The following EHBP1L1 variants were observed in gnomAD, a reference collection of about 807,000 sequenced individuals.
EHBP1L1 encodes the protein EH domain-binding protein 1-like protein 1.
Under a neutral mutation model 151.1 loss-of-function variants are expected in EHBP1L1, and 122 were observed. That is an observed-to-expected ratio of 0.81 (90% CI 0.70 to 0.94). The LOEUF (loss-of-function observed/expected upper bound fraction) is 0.94. Ranked by LOEUF, EHBP1L1 falls within the 40% of genes least tolerant of loss-of-function variation. The pLI is 0.00. For missense variants in EHBP1L1, 1,941 were observed against 1,959.8 expected, an observed-to-expected ratio of 0.99 and a Z score of 0.18; for synonymous variants, 878 against 810.1, an observed-to-expected ratio of 1.08 and a Z score of -1.42.
At chr11:65,583,880 G>A (rs1857784450) in intron 9 of EHBP1L1, 115 bp downstream of exon 9, 2 of 1,421,220 alleles carry the variant, frequency 1.4e-6, no homozygotes, top group African/African-American at 2.9e-5. Flanking sequence ...GGGGTGGGGG[G>A]CTCAGCTTGA....
rs1166659171 is a variant in EHBP1L1 at position 65,583,418 on chromosome 11, G to C, written c.2746G>C (p.Glu916Gln). Residue 916 changes from glutamate (E) to glutamine (Q), a missense_variant, in exon 9 of 19, where the codon GAA becomes CAA. Glu to Gln is a conservative substitution (Grantham distance 29). Coordinates refer to ENST00000309295, the MANE Select transcript of EHBP1L1 (RefSeq NM_001099409.3). ...VTQPRVLGSQ[E>Q]AKAEISGVQG... The stretch of plus-strand genomic sequence containing the variant: ...TCAGCCAAGAGTTTTAGGATCCCAG[G>C]AAGCAAAAGCAGAGATTTCAGGAGT... 6.2e-7 allele frequency: 1 copy of C among 1,613,522 alleles called. No homozygotes were observed. Among genetic ancestry groups the C allele is most frequent in the African/African-American group, 1.3e-5 (1 of 74,870 alleles).
chr11:65,576,618 C>A (rs1056819422), intron 1 of EHBP1L1, among the ~76,000 whole-genome samples: 3 of 152,198 alleles, frequency 2.0e-5, no homozygotes, highest in Non-Finnish European at 2.9e-5. Context: ...GCCTTCCCTG[C>A]GCGGGGGTCA....
Position 65,586,071 on chromosome 11 carries a change from C to T in EHBP1L1, c.3933+480C>T, listed in dbSNP as rs529898195. Reference sequence around the variant, plus strand: ...ATGAGCTGGGTGCAGACTATCTGTACTCAAGGGGGATTCTCCAGGGCCTCC... The same window carrying T: ...ATGAGCTGGGTGCAGACTATCTGTATTCAAGGGGGATTCTCCAGGGCCTCC... On this transcript the variant is annotated intron_variant, in intron 12 of 18. Coordinates refer to ENST00000309295, the MANE Select transcript of EHBP1L1 (RefSeq NM_001099409.3). Among the ~76,000 whole-genome samples the T allele has an allele frequency of 1.2e-3, 181 of 152,224 alleles. 1 individual carries two copies. Among genetic ancestry groups the T allele is most frequent in the Non-Finnish European group, 1.8e-3 (123 of 68,036 alleles).
At position 65,583,757 on chromosome 11, in the gene EHBP1L1, G is replaced by A. The variant is rs746656867; in HGVS notation, c.3085G>A (p.Gly1029Ser). The A allele has an allele frequency of 1.6e-5, 24 of 1,489,544 alleles. No homozygotes were observed. The highest frequency in any genetic ancestry group is 2.0e-5 in the Non-Finnish European group (22 of 1,122,918). 92.3% of individuals were successfully genotyped at this position (1,489,544 alleles called of 1,614,324 possible). A position where few individuals can be genotyped will look rare whatever the true frequency, so the allele number is the denominator to read the frequency against. ...EKAEEDRRLPGSQAPPALVSS... is the reference protein window; with the variant it reads ...EKAEEDRRLPSSQAPPALVSS... ...GGCTGAAGAGGACAGGAGGCTGCCGGGCAGCCAGGTAGGGATGGGGGCCGC... is the reference window on the plus strand; with the variant it reads ...GGCTGAAGAGGACAGGAGGCTGCCGAGCAGCCAGGTAGGGATGGGGGCCGC... Residue 1029 changes from glycine to serine, a missense_variant, in exon 9 of 19, where the codon GGC (glycine) becomes AGC (serine). Transcript: ENST00000309295.
chr11:65,583,486 G>T lies in EHBP1L1; in HGVS notation c.2814G>T (p.Glu938Asp). The T allele has an allele frequency of 3.7e-6, 6 of 1,613,610 alleles. No homozygotes were observed. The highest frequency in any genetic ancestry group is 5.1e-6 in the Non-Finnish European group (6 of 1,179,796). Residue 938 changes from glutamate (E) to aspartate (D), a missense_variant, in exon 9 of 19, where the codon GAG (glutamate) becomes GAT (aspartate). Transcript: ENST00000309295. ...AAGTTCTGAGAGTCCAGGAGGCAGA[G>T]GCTGGGGTTTGGGGGATGTCAGAGG... ...ETQVLRVQEA[E>D]AGVWGMSEGK...
At position 65,592,429 on chromosome 11, in the gene EHBP1L1, C is replaced by T. The variant is rs1858384754; in HGVS notation, c.*127C>T. On this transcript the variant is annotated 3_prime_UTR_variant, in exon 19 of 19. Transcript: ENST00000309295. ...GTGTCCGCTAGGGGCCGCCGGCGCCCTTCCCCGTACAGGGCAGGGCGGATC... is the reference window on the plus strand; with the variant it reads ...GTGTCCGCTAGGGGCCGCCGGCGCCTTTCCCCGTACAGGGCAGGGCGGATC... 1 of 642,540 alleles carries T rather than the reference C, an allele frequency of 1.6e-6. No individual in the cohort carries two copies. Among genetic ancestry groups the T allele is most frequent in the African/African-American group, 2.0e-5 (1 of 50,280 alleles). The allele number at this position is 642,540 out of a possible 1,614,324, so 39.8% of individuals were successfully genotyped here.
chr11:65,579,663 G>A (rs989799249), intron 3 of EHBP1L1, among the ~76,000 whole-genome samples: 2 of 151,888 alleles, frequency 1.3e-5, no homozygotes, highest in Admixed American at 1.3e-4. Flanking sequence ...CCAGAACTTG[G>A]GGTGCATCCC....
chr11:65,581,004 T>G, intron 6 of EHBP1L1, 54 bp from the exon 7 acceptor site: 1 of 1,549,538 alleles, frequency 6.5e-7, no homozygotes, highest in Non-Finnish European at 8.7e-7. Context: ...GTCAGGCCTG[T>G]GGGGCCCTGC....
Position 65,581,373 on chromosome 11 carries a change from G to T in EHBP1L1, c.866G>T (p.Arg289Met). 2 of 1,547,562 alleles carry T rather than the reference G, an allele frequency of 1.3e-6. No individual in the cohort carries two copies. Reference sequence around the variant, plus strand: ...CCCCCGGAAACCTCACCAGAGATGAGGTGAGCTTTGGAACCAGCCTCACCC... The same window carrying T: ...CCCCCGGAAACCTCACCAGAGATGATGTGAGCTTTGGAACCAGCCTCACCC... ...PRPPETSPEM[R>M]SSRQPAQDTA... The change falls in exon 8 of 19, where the codon AGG (arginine) becomes ATG (methionine). Residue 289 changes from arginine to methionine, a missense_variant and splice_region_variant. Arg to Met is a moderately conservative substitution (Grantham distance 91). Coordinates refer to ENST00000309295, the MANE Select transcript of EHBP1L1 (RefSeq NM_001099409.3).
Position 65,592,107 on chromosome 11 carries a change from G to C in EHBP1L1, c.4472+17G>C. On this transcript the variant is annotated intron_variant, in intron 18 of 18. Coordinates refer to ENST00000309295, the MANE Select transcript of EHBP1L1 (RefSeq NM_001099409.3). ...GGAGCGGATGTGAGTGGCGCTGGGC[G>C]GCGCTGGGAGTTGGGAGGGTCCGGG... is the stretch of plus-strand genomic sequence containing the variant. 6.2e-7 allele frequency: 1 copy of C among 1,612,144 alleles called. No individual in the cohort carries two copies. The highest frequency in any genetic ancestry group is 8.5e-7 in the Non-Finnish European group (1 of 1,178,966).
Position 65,585,480 on chromosome 11 carries a change from C to G in EHBP1L1, c.3822C>G (p.Phe1274Leu). 6.5e-7 allele frequency: 1 copy of G among 1,540,916 alleles called. No homozygotes were observed. The highest frequency in any genetic ancestry group is 8.7e-7 in the Non-Finnish European group (1 of 1,149,382). The change falls in exon 12 of 19, where the codon TTC (phenylalanine) becomes TTG (leucine). Residue 1274 changes from phenylalanine to leucine, a missense_variant. Phe to Leu is a conservative substitution (Grantham distance 22, BLOSUM62 0). Transcript: ENST00000309295. The surrounding 1 kb of genome is among the most constrained non-coding windows in gnomAD (Gnocchi z 4.0). Reference protein sequence around the residue: ...SVPPPRAHGSFSHVRDADLLK... With the variant: ...SVPPPRAHGSLSHVRDADLLK... ...CCCCGCCCCGCGCGCACGGCTCCTT[C>G]TCCCACGTGCGCGACGCGGACCTGC... is the stretch of plus-strand genomic sequence containing the variant.
At chr11:65,591,687 T>G (rs1372815555) in intron 16 of EHBP1L1, 113 bp from the exon 17 acceptor site, 2 of 842,084 alleles carry the variant, frequency 2.4e-6, no homozygotes, top group Admixed American at 4.0e-5. Flanking sequence ...CCTCGGGAAC[T>G]GCTGGGGAGG....
At chr11:65,584,455 AC>A in intron 10 of EHBP1L1, 30 bp from the exon 11 acceptor site, 1 of 1,613,370 alleles carries the variant, frequency 6.2e-7, no homozygotes, top group African/African-American at 1.3e-5. Context: ...GGCAGTGTGG[AC>A]CCAGCCTCTG....
intron 3 of EHBP1L1, 60 bp from the exon 4 acceptor site, chr11:65,579,876 G>A (rs1857511434): frequency 6.4e-7 from 1 of 1,558,722 alleles, no homozygotes; most frequent in Admixed American, 1.7e-5. Flanking sequence ...AGCCAGACAA[G>A]CTCTGCTCCC....
intron 11 of EHBP1L1, 110 bp from the exon 12 acceptor site, chr11:65,584,849 C>T: frequency 7.0e-7 from 1 of 1,422,144 alleles, no homozygotes; most frequent in Non-Finnish European, 9.4e-7. Flanking sequence ...TGTTGCTAGG[C>T]AAAACCCGGG....
intron 16 of EHBP1L1, chr11:65,591,480 T>C: frequency 4.3e-6 from 2 of 467,418 alleles, no homozygotes; most frequent in South Asian, 4.5e-5. Context: ...TTTGCCTCCC[T>C]TTTGCGTTTG....
At chr11:65,587,103 C>A (rs187264238) in intron 12 of EHBP1L1, among the ~76,000 whole-genome samples, 2 of 152,272 alleles carry the variant, frequency 1.3e-5, no homozygotes, top group South Asian at 2.1e-4. Context: ...GGCCGGGCAC[C>A]GTGGCTCATA....
At position 65,582,340 on chromosome 11, in the gene EHBP1L1, TCTGGGAGG is replaced by T. The variant is rs1412739167; in HGVS notation, c.1678_1685del (p.Trp560ArgfsTer13). 1.3e-6 allele frequency: 2 copies of T among 1,567,968 alleles called. No homozygotes were observed. Among genetic ancestry groups the T allele is most frequent in the African/African-American group, 1.4e-5 (1 of 72,900 alleles). ...CTGCCCAGGGGGCAATATCCAGGGG[TCTGGGAGG>T]CTGGGAGGCAGAAGCTGGGGGTTCA... On this transcript the variant is annotated frameshift_variant, in exon 9 of 19. Transcript: ENST00000309295. LOFTEE classifies it high-confidence loss of function.
Position 65,590,607 on chromosome 11 carries a change from C to T in EHBP1L1, c.4283+15C>T, listed in dbSNP as rs1167365272. The T allele has an allele frequency of 1.9e-5, 30 of 1,610,962 alleles. No individual in the cohort carries two copies. The highest frequency in any genetic ancestry group is 1.7e-4 in the African/African-American group (13 of 74,874). On this transcript the variant is annotated intron_variant, in intron 16 of 18. Transcript: ENST00000309295. ...CTGCAGCTGCTGTGAGTGCTGGCCC[C>T]GGGCCAGGAGAGCAGAGGGACTCTT...
Sources: allele counts gnomAD v4.1 joint callset (sites outside exome capture counted in the v4.1 genomes callset), GRCh38; gene constraint gnomAD v4.1.1; non-coding constraint Gnocchi (gnomAD v3.1); transcripts MANE v1.5; gene names NCBI Gene and HGNC (gene_info 2026-07-23, HGNC 2026-07-21).